Variants in GAB4 observed in about 807,000 individuals in gnomAD.
GAB4 encodes GRB2-associated-binding protein 4.
Under a neutral mutation model 51.3 loss-of-function variants are expected in GAB4, and 26 were observed. The ratio of observed to expected loss-of-function variants is 0.51; its 90% CI spans 0.37 to 0.70. The LOEUF is 0.70. Among genes scored for constraint, GAB4 ranks in the 30% least tolerant of loss-of-function variants. GAB4 has a pLI of 0.00. For synonymous variants in GAB4, 329 were observed against 291.2 expected, an observed-to-expected ratio of 1.13 and a Z score of -1.32; for missense variants, 759 against 734.6, an observed-to-expected ratio of 1.03 and a Z score of -0.38.
intron 1 of GAB4, among the ~76,000 whole-genome samples, chr22:16,993,886 G>A (rs966058598): frequency 1.1e-4 from 16 of 152,156 alleles, no homozygotes; most frequent in Non-Finnish European, 2.9e-5. Flanking sequence ...CCACCAGCCT[G>A]CCTGTGCCTA....
At chr22:16,986,518 G>C (rs2060869203) in intron 3 of GAB4, among the ~76,000 whole-genome samples, 1 of 152,224 alleles carries the variant, frequency 6.6e-6, no homozygotes, top group Non-Finnish European at 1.5e-5. Context: ...CTTTGAGTTA[G>C]TCGTTTCCAT....
intron 3 of GAB4, among the ~76,000 whole-genome samples, chr22:16,983,089 C>T (rs1371459844): frequency 6.6e-6 from 1 of 152,206 alleles, no homozygotes; most frequent in Non-Finnish European, 1.5e-5. Flanking sequence ...TTTCCATTAT[C>T]TCAAGTAGCA....
intron 9 of GAB4, 137 bp downstream of exon 9, chr22:16,963,588 A>G: frequency 1.5e-6 from 1 of 673,376 alleles, no homozygotes; most frequent in Non-Finnish European, 2.6e-6. Context: ...TCAGAGCACC[A>G]CTGAGCATAA....
intron 1 of GAB4, among the ~76,000 whole-genome samples, chr22:17,007,546 C>T (rs529081746): frequency 1.7e-4 from 26 of 149,634 alleles, no homozygotes; most frequent in African/African-American, 6.2e-4. Flanking sequence ...CGCCTGCCTT[C>T]CTTGGGGCCT....
At position 17,008,206 on chromosome 22, in the gene GAB4, A is replaced by T. The variant is rs113437419; in HGVS notation, c.-92T>A. On this transcript the variant is annotated 5_prime_UTR_variant, in exon 1 of 10. Transcript: ENST00000400588. Reference sequence around the variant, plus strand: ...GAGGGACGGCTTGCGATACCCTGGGACTGCGGGGTAGAAAGCGCAGTTCTA... The same window carrying T: ...GAGGGACGGCTTGCGATACCCTGGGTCTGCGGGGTAGAAAGCGCAGTTCTA... 12 of 900,430 alleles carry T rather than the reference A, an allele frequency of 1.3e-5. No individual in the cohort carries two copies. Among genetic ancestry groups the T allele is most frequent in the African/African-American group, 1.3e-4 (8 of 60,574 alleles). 55.8% of individuals were successfully genotyped at this position (900,430 alleles called of 1,614,324 possible). A position where few individuals can be genotyped will look rare whatever the true frequency, so the allele number is the denominator to read the frequency against.
At position 17,008,154 on chromosome 22, in the gene GAB4, G is replaced by C; in HGVS notation, c.-40C>G. On this transcript the variant is annotated 5_prime_UTR_variant, in exon 1 of 10. Coordinates refer to ENST00000400588, the MANE Select transcript of GAB4 (RefSeq NM_001037814.1). ...ACAGTGAAGGTGGGGGAGACAGGGCGAGAGGGCGTTGCTGGAGGTGGGGTG... is the reference window on the plus strand; with the variant it reads ...ACAGTGAAGGTGGGGGAGACAGGGCCAGAGGGCGTTGCTGGAGGTGGGGTG... 1 of 1,463,100 alleles carries C rather than the reference G, an allele frequency of 6.8e-7. No homozygotes were observed. Among genetic ancestry groups the C allele is most frequent in the Non-Finnish European group, 9.4e-7 (1 of 1,060,112 alleles). 90.6% of individuals were successfully genotyped at this position (1,463,100 alleles called of 1,614,324 possible).
At chr22:16,988,395 G>A (rs1183439683) in intron 2 of GAB4, among the ~76,000 whole-genome samples, 1 of 152,152 alleles carries the variant, frequency 6.6e-6, no homozygotes, top group Non-Finnish European at 1.5e-5. Flanking sequence ...ATAGTGCCCT[G>A]GGCCCTGACT....
intron 1 of GAB4, among the ~76,000 whole-genome samples, chr22:17,005,031 T>C (rs2061028971): frequency 6.6e-6 from 1 of 152,160 alleles, no homozygotes; most frequent in Non-Finnish European, 1.5e-5. Context: ...AAATAAACGG[T>C]ATTCAAACAG....
intron 1 of GAB4, among the ~76,000 whole-genome samples, chr22:17,001,329 T>A (rs1044981276): frequency 3.3e-5 from 5 of 152,202 alleles, no homozygotes; most frequent in Admixed American, 6.5e-5. Flanking sequence ...TTGGATGCTT[T>A]GTTTGTTTCT....
intron 3 of GAB4, among the ~76,000 whole-genome samples, chr22:16,983,987 C>T (rs2060846727): frequency 6.6e-6 from 1 of 151,802 alleles, no homozygotes; most frequent in Non-Finnish European, 1.5e-5. Context: ...TGCTGTATAG[C>T]AAAGGAAAAA....
In GAB4 at chr22:16,963,713, C is replaced by G; in HGVS notation, c.1581+12G>C. Reference sequence around the variant, plus strand: ...CAAGGGCTCTGCCCAACCCCAGCTCCACCCCAGGCACCTTGCTCGGCTGGA... The same window carrying G: ...CAAGGGCTCTGCCCAACCCCAGCTCGACCCCAGGCACCTTGCTCGGCTGGA... On this transcript the variant is annotated intron_variant, in intron 9 of 9. Transcript: ENST00000400588. 6.2e-7 allele frequency: 1 copy of G among 1,604,708 alleles called. No homozygotes were observed. Among genetic ancestry groups the G allele is most frequent in the Non-Finnish European group, 8.5e-7 (1 of 1,172,956 alleles).
At chr22:16,969,381 T>A (rs1405223876) in intron 4 of GAB4, among the ~76,000 whole-genome samples, 2 of 152,248 alleles carry the variant, frequency 1.3e-5, no homozygotes, top group Admixed American at 6.5e-5. Context: ...GAATGTTCTG[T>A]CTCCCTTAGT....
chr22:16,967,143 G>A (rs1261251093), intron 5 of GAB4: 1 of 152,258 alleles, frequency 6.6e-6, no homozygotes, highest in African/African-American at 2.4e-5. Context: ...AATATCTTTA[G>A]TGGCTGGGTC....
rs532644887 is a variant in GAB4 at position 16,962,766 on chromosome 22, C to G, written c.1692G>C (p.Gln564His). 2 of 1,613,214 alleles carry G rather than the reference C, an allele frequency of 1.2e-6. No individual in the cohort carries two copies. Among genetic ancestry groups the G allele is most frequent in the African/African-American group, 2.7e-5 (2 of 75,048 alleles). Residue 564 changes from glutamine (Q) to histidine (H), a missense_variant, in exon 10 of 10, where the codon CAG becomes CAC. Physicochemically the swap from Gln to His is conservative, Grantham distance 24. This residue lies in a region of GAB4 where 588 missense variants were observed against 510.2 expected (regional missense o/e 1.15). Transcript: ENST00000400588. ...TGGCGCCCCTGGGAGGCTCTGAGGA[C>G]TGCCGCAGGCACATCTGTTCATGCA... The part of the protein sequence containing the change: ...KTMHEQMCLR[Q>H]SSEPPRGAKL
At chr22:16,989,624 C>T (rs939168530) in intron 2 of GAB4, among the ~76,000 whole-genome samples, 5 of 152,154 alleles carry the variant, frequency 3.3e-5, no homozygotes, top group African/African-American at 1.2e-4. Flanking sequence ...AAAAGACCTG[C>T]AAGATGAATG....
At chr22:16,984,335 T>C (rs2060850049) in intron 3 of GAB4, among the ~76,000 whole-genome samples, 1 of 152,240 alleles carries the variant, frequency 6.6e-6, no homozygotes, top group South Asian at 2.1e-4. Context: ...GGGAATGCTC[T>C]ATATACTCTT....
At chr22:16,965,573 T>C (rs535595363) in intron 6 of GAB4, among the ~76,000 whole-genome samples, 6 of 152,194 alleles carry the variant, frequency 3.9e-5, no homozygotes, top group Non-Finnish European at 7.4e-5. Context: ...TGACTTGATA[T>C]AAAAAACAGA....
intron 1 of GAB4, among the ~76,000 whole-genome samples, chr22:16,996,397 CAGG>C (rs1283431624): frequency 2.0e-5 from 3 of 152,088 alleles, no homozygotes; most frequent in Admixed American, 1.3e-4. Context: ...GGATATTATC[CAGG>C]AGAACTTCCC....
At chr22:16,966,917 G>A (rs1182241865) in intron 5 of GAB4, 2 of 155,198 alleles carry the variant, frequency 1.3e-5, no homozygotes, top group Admixed American at 1.2e-4. Flanking sequence ...CCTCTGGTCT[G>A]AGAAAGTTAA....
Sources: gnomAD v4.1 joint callset for allele counts (sites outside exome capture counted in the v4.1 genomes callset) on GRCh38, gnomAD v4.1.1 for gene constraint, gnomAD v4.1.1 regional missense constraint, MANE v1.5 for transcripts, NCBI Gene and HGNC (gene_info 2026-07-23, HGNC 2026-07-21) for gene names.